Variants in GLB1L observed in about 807,000 individuals in gnomAD.
The protein encoded by GLB1L is beta-galactosidase-1-like protein.
GLB1L carries 58 observed loss-of-function variants against 75.7 expected under a neutral mutation model. The observed-to-expected ratio is 0.77, with a 90% confidence interval of 0.62 to 0.95. The LOEUF is 0.95. GLB1L is among the 40% of genes least tolerant of loss of function. The probability of loss-of-function intolerance (pLI) is 0.00; values close to 1 mark genes in which losing one functional copy is unlikely to be tolerated. For missense variants in GLB1L, 797 were observed against 805.5 expected (o/e 0.99, Z 0.13); for synonymous variants, 296 against 303.0 (o/e 0.98, Z 0.24).
Position 219,242,810 on chromosome 2 carries a change from G to C in GLB1L, c.348C>G (p.Val116=). The C allele has an allele frequency of 3.1e-6, 5 of 1,614,138 alleles. No individual in the cohort carries two copies. Among genetic ancestry groups the C allele is most frequent in the Non-Finnish European group, 4.2e-6 (5 of 1,180,026 alleles). The change falls in exon 4 of 17, where the codon GTC becomes GTG. Residue 116 remains valine, a synonymous_variant. Coordinates refer to ENST00000295759, the MANE Select transcript of GLB1L (RefSeq NM_001286423.2). The part of the protein sequence containing the change: ...LNEAALANLL[V]ILRPGPYICA... ...AGATGTAAGGTCCTGGTCTCAGTAT[G>C]ACCAACAGGTTCGCTAGAGCTGCCT...
chr2:219,239,045 C>T (rs774345950), intron 11 of GLB1L, 47 bp downstream of exon 11: 1 of 1,345,874 alleles, frequency 7.4e-7, no homozygotes, highest in Non-Finnish European at 1.1e-6. Context: ...CACTCCCTTC[C>T]TCCAAATTAA....
intron 5 of GLB1L, among the ~76,000 whole-genome samples, chr2:219,241,438 GTGTGTATATATA>G (rs1304548506): frequency 3.5e-5 from 3 of 85,170 alleles, no homozygotes; most frequent in African/African-American, 8.3e-5. Flanking sequence ...GTGTGTGTGT[GTGTGTATATATA>G]TATATATATA....
Position 219,237,116 on chromosome 2 carries a change from C to T in GLB1L, c.1921G>A (p.Asp641Asn). Residue 641 changes from aspartate to asparagine, a missense_variant, in exon 17 of 17, where the codon GAT becomes AAT. Transcript: ENST00000295759. ...ATTGGTTCAGAGGCACTCAGTGTAT[C>T]AGCTGAAAGGGAATTGATATGTGTC... ...HRTHINSLSA[D>N]TLSASEPMEL... 1 of 1,612,902 alleles carries T rather than the reference C, an allele frequency of 6.2e-7. No homozygotes were observed. Among genetic ancestry groups the T allele is most frequent in the Non-Finnish European group, 8.5e-7 (1 of 1,178,894 alleles).
chr2:219,237,262 A>G lies in GLB1L; in HGVS notation c.1775T>C (p.Leu592Pro). The change falls in exon 17 of 17, where the codon CTG (leucine) becomes CCG (proline). Residue 592 changes from leucine (L) to proline (P), a missense_variant. Leu to Pro is a moderately conservative substitution (Grantham distance 98, BLOSUM62 -3). Coordinates refer to ENST00000295759, the MANE Select transcript of GLB1L (RefSeq NM_001286423.2). ...PQQTLYVPRF[L>P]LFPRGALNKI... ...GTTGAGGGCTCCCCTAGGAAACAGC[A>G]GGAATCTTGGCACGTAGAGGGTCTG... is the stretch of plus-strand genomic sequence containing the variant. 6.2e-7 allele frequency: 1 copy of G among 1,614,214 alleles called. No individual in the cohort carries two copies. The highest frequency in any genetic ancestry group is 8.5e-7 in the Non-Finnish European group (1 of 1,180,034).
intron 4 of GLB1L, 90 bp downstream of exon 4, chr2:219,242,678 G>C (rs1951420321): frequency 1.9e-6 from 3 of 1,539,794 alleles, no homozygotes; most frequent in Non-Finnish European, 2.7e-6. Flanking sequence ...TGAATATAGT[G>C]CTGGAGATGG....
intron 8 of GLB1L, 37 bp from the exon 9 acceptor site, chr2:219,239,719 A>C: frequency 6.2e-7 from 1 of 1,614,204 alleles, no homozygotes; most frequent in Non-Finnish European, 8.5e-7. Flanking sequence ...AGTGAGATGG[A>C]ACTGAGCTGG....
chr2:219,242,606 T>G, intron 4 of GLB1L, 32 bp from the exon 5 acceptor site: 1 of 1,597,848 alleles, frequency 6.3e-7, no homozygotes, highest in Non-Finnish European at 8.6e-7. Context: ...CAAAGAAGCA[T>G]GTAGGTTTTG....
At chr2:219,239,515 C>G (rs1302524489) in intron 9 of GLB1L, 46 bp downstream of exon 9, 2 of 1,613,620 alleles carry the variant, frequency 1.2e-6, no homozygotes, top group East Asian at 4.5e-5. Context: ...CTTTCATCCC[C>G]AGCTCCCAGC....
At position 219,239,408 on chromosome 2, in the gene GLB1L, C is replaced by T. The variant is rs1415836643; in HGVS notation, c.943+3G>A. On this transcript the variant is annotated splice_donor_region_variant and intron_variant, in intron 10 of 16. Coordinates refer to ENST00000295759, the MANE Select transcript of GLB1L (RefSeq NM_001286423.2). The stretch of plus-strand genomic sequence containing the variant: ...TTCTATCCCAGGGACCATCTGGACT[C>T]ACCATTCCAATATCCAAAGTTGGTA... The T allele has an allele frequency of 6.3e-7, 1 of 1,596,944 alleles. No individual in the cohort carries two copies. The highest frequency in any genetic ancestry group is 8.5e-7 in the Non-Finnish European group (1 of 1,170,640).
chr2:219,239,212 T>A lies in GLB1L; in HGVS notation c.944-2A>T. The stretch of plus-strand genomic sequence containing the variant: ...GGAAGCGTCCCTTCTTATCGGCACC[T>A]GAAGTTGAGCCAATTTAATTAATTC... On this transcript the variant is annotated splice_acceptor_variant, in intron 10 of 16. Coordinates refer to ENST00000295759, the MANE Select transcript of GLB1L (RefSeq NM_001286423.2). LOFTEE classifies it high-confidence loss of function. 1 of 1,602,048 alleles carries A rather than the reference T, an allele frequency of 6.2e-7. No homozygotes were observed. The highest frequency in any genetic ancestry group is 1.1e-5 in the South Asian group (1 of 90,558).
At position 219,238,470 on chromosome 2, in the gene GLB1L, C is replaced by T. The variant is rs754914568; in HGVS notation, c.1227+25G>A. On this transcript the variant is annotated intron_variant, in intron 13 of 16. Transcript: ENST00000295759. ...AGCTGTTAAGGGAGGTTGTCATCTC[C>T]ACCAGATGTGGGTTTATGCCTTACC... The T allele has an allele frequency of 3.1e-6, 5 of 1,603,140 alleles. No homozygotes were observed. In the East Asian group the frequency reaches 8.9e-5, roughly 29 times the overall value.
At position 219,237,215 on chromosome 2, in the gene GLB1L, C is replaced by A. The variant is rs745520438; in HGVS notation, c.1822G>T (p.Glu608Ter). 3.1e-6 allele frequency: 5 copies of A among 1,614,200 alleles called. No individual in the cohort carries two copies. The South Asian group carries it at 5.5e-5, about 18-fold the overall frequency. The change falls in exon 17 of 17, where the codon GAA (glutamate) becomes TAA (stop). Residue 608 changes from glutamate (E) to a stop codon, truncating the protein, a stop_gained. Transcript: ENST00000295759. LOFTEE classifies it high-confidence loss of function. ...ALNKITLLEL[E>*]DVPLQPQVQF... ...ACTTGGGGCTGGAGAGGTACATCTT[C>A]TAGTTCCAGCAATGTAATTTTGTTG...
rs987191854 is a variant in GLB1L, at chr2:219,243,167, C to T, written c.220G>A (p.Gly74Ser). Residue 74 changes from glycine (G) to serine (S), a missense_variant, in exon 3 of 17, where the codon GGC becomes AGC. By Grantham distance (56) the Gly-to-Ser change is moderately conservative (BLOSUM62 0). Transcript: ENST00000295759. ...TCTTACAACTGTATGGCGTTGAGGC[C>T]GCTCCATCGCATCTTCAAAAGCCGG... ...ADRLLKMRWS[G>S]LNAIQFYVPW... 2.5e-6 allele frequency: 4 copies of T among 1,611,348 alleles called. No individual in the cohort carries two copies. The highest frequency in any genetic ancestry group is 1.7e-6 in the Non-Finnish European group (2 of 1,178,668).
intron 5 of GLB1L, among the ~76,000 whole-genome samples, chr2:219,242,235 C>T (rs552544659): frequency 1.9e-4 from 29 of 150,980 alleles, no homozygotes; most frequent in African/African-American, 6.6e-4. Flanking sequence ...GTCATGCACC[C>T]GCCTGGGCCT....
Position 219,239,447 on chromosome 2 carries a change from T to C in GLB1L, c.907A>G (p.Met303Val). ...LKLGASVNMY[M>V]FHGGTNFGYW... ...CCAAAGTTGGTACCTCCATGGAACA[T>C]GTACCTGAAGTGAGAGAGGGTGGGG... The change falls in exon 10 of 17, where the codon ATG becomes GTG. Residue 303 changes from methionine to valine, a missense_variant. Met to Val is a conservative substitution (Grantham distance 21). Transcript: ENST00000295759. The C allele has an allele frequency of 6.2e-7, 1 of 1,608,086 alleles. No homozygotes were observed. The highest frequency in any genetic ancestry group is 8.5e-7 in the Non-Finnish European group (1 of 1,176,578).
chr2:219,240,802 C>T (rs1462141333), intron 5 of GLB1L, among the ~76,000 whole-genome samples: 6 of 151,586 alleles, frequency 4.0e-5, no homozygotes, highest in Admixed American at 2.6e-4. Flanking sequence ...AGGGGATGGC[C>T]GGGTGTGGTG....
In GLB1L at chr2:219,243,327, A is replaced by G. The variant is rs1302801648; in HGVS notation, c.73-13T>C. 1 of 1,590,266 alleles carries G rather than the reference A, an allele frequency of 6.3e-7. No individual in the cohort carries two copies. The highest frequency in any genetic ancestry group is 8.6e-7 in the Non-Finnish European group (1 of 1,164,964). ...ACCGAGTGTCTGCCTATAAAGAGAAAGAGACGCTGCTCAGCAGACGCCTGG... is the reference window on the plus strand; with the variant it reads ...ACCGAGTGTCTGCCTATAAAGAGAAGGAGACGCTGCTCAGCAGACGCCTGG... On this transcript the variant is annotated splice_polypyrimidine_tract_variant and intron_variant, in intron 2 of 16. Transcript: ENST00000295759.
intron 2 of GLB1L, 76 bp downstream of exon 2, chr2:219,243,426 C>T (rs1281804655): frequency 6.2e-7 from 1 of 1,602,318 alleles, no homozygotes; most frequent in Non-Finnish European, 8.6e-7. Flanking sequence ...TTGGTTGTTA[C>T]TTTGGACTTT....
Position 219,239,824 on chromosome 2 carries a change from ATGT to A in GLB1L, c.728_730del (p.Asn243del). 1 of 1,614,206 alleles carries A rather than the reference ATGT, an allele frequency of 6.2e-7. No homozygotes were observed. Among genetic ancestry groups the A allele is most frequent in the East Asian group, 2.2e-5 (1 of 44,884 alleles). ...CCGAAGCAGGGTAAAGATTTTGGTC[ATGT>A]TGTCAGCTGCGGAAAGGAGGCAAAA... On this transcript the variant is annotated inframe_deletion, in exon 8 of 17. Transcript: ENST00000295759.
Sources: allele counts gnomAD v4.1 joint callset (sites outside exome capture counted in the v4.1 genomes callset), GRCh38; gene constraint gnomAD v4.1.1; transcripts MANE v1.5; gene names NCBI Gene and HGNC (gene_info 2026-07-23, HGNC 2026-07-21).